The following MAP3K1 variants were observed in gnomAD, a reference collection of about 807,000 sequenced individuals.
MAP3K1 encodes the protein MAP/ERK kinase kinase 1.
MAP3K1 carries 36 observed loss-of-function variants against 144.2 expected under a neutral mutation model. The observed-to-expected ratio is 0.25, with a 90% confidence interval of 0.19 to 0.33. The LOEUF (loss-of-function observed/expected upper bound fraction) is 0.33, where lower values mean the gene tolerates loss of function less well. MAP3K1 is among the 10% of genes least tolerant of loss of function. MAP3K1 has a pLI of 1.00. For synonymous variants in MAP3K1, 718 were observed against 688.7 expected (o/e 1.04, Z -0.67); for missense variants, 1,650 against 1,881.9 (o/e 0.88, Z 2.28).
chr5:56,829,204 C>T (rs1475741247), intron 1 of MAP3K1, among the ~76,000 whole-genome samples: 1 of 150,398 alleles, frequency 6.6e-6, no homozygotes, highest in Non-Finnish European at 1.5e-5. Flanking sequence ...TTTTCTGAGA[C>T]AGGGTCTCAC....
rs1230624802 is a variant in MAP3K1, at chr5:56,872,014, A to G, written c.1406A>G (p.His469Arg). 6.2e-7 allele frequency: 1 copy of G among 1,614,058 alleles called. No individual in the cohort carries two copies. ...GACGGCTGCAGGAACAAGCTGCACCACCACTGCATGTCAATTTGTATGTGG... is the reference window on the plus strand; with the variant it reads ...GACGGCTGCAGGAACAAGCTGCACCGCCACTGCATGTCAATTTGTATGTGG... The part of the protein sequence containing the change: ...CEDGCRNKLH[H>R]HCMSIWAEEC... The change falls in exon 7 of 20, where the codon CAC (histidine) becomes CGC (arginine). Residue 469 changes from histidine to arginine, a missense_variant. Physicochemically the swap from His to Arg is conservative, Grantham distance 29 (BLOSUM62 0). Around this residue, in one of 6 missense-constraint regions of MAP3K1, gnomAD observed 125 missense variants for 179.9 expected, o/e 0.69. Coordinates refer to ENST00000399503, the MANE Select transcript of MAP3K1 (RefSeq NM_005921.2).
intron 5 of MAP3K1, 43 bp from the exon 6 acceptor site, chr5:56,865,786 T>G: frequency 6.2e-7 from 1 of 1,603,160 alleles, no homozygotes; most frequent in Non-Finnish European, 8.5e-7. Context: ...ATATGTATAA[T>G]TATGGCACAA....
chr5:56,880,413 C>G (rs1028272339), intron 11 of MAP3K1, among the ~76,000 whole-genome samples: 1 of 152,022 alleles, frequency 6.6e-6, no homozygotes, highest in Admixed American at 6.6e-5. Context: ...CTTGTTTTTT[C>G]TTTTAACAAA....
At chr5:56,889,283 C>G (rs566113486) in intron 19 of MAP3K1, among the ~76,000 whole-genome samples, 1 of 150,740 alleles carries the variant, frequency 6.6e-6, no homozygotes, top group Admixed American at 6.7e-5. Context: ...GTTCTCCTGC[C>G]TCAGCCTCCC....
At chr5:56,862,339 C>T (rs1747541798) in intron 3 of MAP3K1, among the ~76,000 whole-genome samples, 1 of 152,124 alleles carries the variant, frequency 6.6e-6, no homozygotes, top group African/African-American at 2.4e-5. Flanking sequence ...CCTTATTGTC[C>T]AAAGCTAGTT....
chr5:56,864,352 G>A (rs1193093178), intron 3 of MAP3K1, among the ~76,000 whole-genome samples: 1 of 149,012 alleles, frequency 6.7e-6, no homozygotes, highest in Non-Finnish European at 1.5e-5. Flanking sequence ...TGACTGTCTT[G>A]TATGATCTTC....
In MAP3K1 at chr5:56,893,777, A is replaced by G. The variant is rs79082646; in HGVS notation, c.*97A>G. ...TTGATATTCTACTGGCCATGATGCC[A>G]CTGAACAGCTATGAACGAGGCCAGT... On this transcript the variant is annotated 3_prime_UTR_variant, in exon 20 of 20. Coordinates refer to ENST00000399503, the MANE Select transcript of MAP3K1 (RefSeq NM_005921.2). The G allele has an allele frequency of 2.2e-4, 296 of 1,337,700 alleles. No individual in the cohort carries two copies. The African/African-American group carries it at 4.1e-3, about 19-fold the overall frequency. The allele number at this position is 1,337,700 out of a possible 1,614,324, so 82.9% of individuals were successfully genotyped here.
At chr5:56,851,436 T>G (rs2111846276) in intron 1 of MAP3K1, among the ~76,000 whole-genome samples, 1 of 152,234 alleles carries the variant, frequency 6.6e-6, no homozygotes, top group Middle Eastern at 3.4e-3. Flanking sequence ...GGAGAACTAG[T>G]CATTCATTAT....
At chr5:56,881,431 TTTAA>T (rs1278017336) in intron 13 of MAP3K1, 135 bp from the exon 14 acceptor site, 4 of 978,978 alleles carry the variant, frequency 4.1e-6, no homozygotes, top group Non-Finnish European at 6.2e-6. Flanking sequence ...GTCTGGGCTC[TTTAA>T]TTAAAAATTC....
intron 1 of MAP3K1, among the ~76,000 whole-genome samples, chr5:56,833,544 ATCTC>A (rs1746560852): frequency 6.6e-6 from 1 of 152,102 alleles, no homozygotes; most frequent in Admixed American, 6.5e-5. Context: ...ACACCTGAGT[ATCTC>A]TCTGCATGCT....
At chr5:56,878,083 A>C (rs115941775) in intron 10 of MAP3K1, among the ~76,000 whole-genome samples, 3 of 152,192 alleles carry the variant, frequency 2.0e-5, no homozygotes, top group Non-Finnish European at 4.4e-5. Flanking sequence ...CTGTCAGTTA[A>C]GGTAATGTCT....
intron 1 of MAP3K1, among the ~76,000 whole-genome samples, chr5:56,840,135 T>TTTTG (rs1028152830): frequency 8.2e-4 from 125 of 152,156 alleles, no homozygotes; most frequent in African/African-American, 2.6e-3. Context: ...TAAATAAGCG[T>TTTTG]TTTGTTTGTT....
At position 56,894,971 on chromosome 5, in the gene MAP3K1, T is replaced by C. The variant is rs1236115691; in HGVS notation, c.*1291T>C. 1 of 231,900 alleles carries C rather than the reference T, an allele frequency of 4.3e-6. No individual in the cohort carries two copies. The allele number at this position is 231,900 out of a possible 1,614,324, so 14.4% of individuals were successfully genotyped here. A position where few individuals can be genotyped will look rare whatever the true frequency, so the allele number is the denominator to read the frequency against. ...GAATCCTGAAGGAAAATGGTAGCTT[T>C]TTAATCTTTTTGTGTGTGTGTGAGT... On this transcript the variant is annotated 3_prime_UTR_variant, in exon 20 of 20. Coordinates refer to ENST00000399503, the MANE Select transcript of MAP3K1 (RefSeq NM_005921.2).
intron 19 of MAP3K1, among the ~76,000 whole-genome samples, chr5:56,890,419 G>A (rs1748513575): frequency 1.3e-5 from 2 of 152,132 alleles, no homozygotes; most frequent in Non-Finnish European, 1.5e-5. Flanking sequence ...TAAATACTTT[G>A]AGGTTTTTGG....
At chr5:56,874,941 T>A (rs961354231) in intron 9 of MAP3K1, 91 bp from the exon 10 acceptor site, 1 of 1,311,628 alleles carries the variant, frequency 7.6e-7, no homozygotes, top group Middle Eastern at 1.9e-4. Flanking sequence ...GTCCAGTTTT[T>A]ACGTAGTAAT....
Position 56,815,887 on chromosome 5 carries a change from T to A in MAP3K1, c.314T>A (p.Phe105Tyr). 2.2e-6 allele frequency: 3 copies of A among 1,352,918 alleles called. No individual in the cohort carries two copies. The highest frequency in any genetic ancestry group is 3.5e-5 in the South Asian group (2 of 57,254). 83.8% of individuals were successfully genotyped at this position (1,352,918 alleles called of 1,614,324 possible). A position where few individuals can be genotyped will look rare whatever the true frequency, so the allele number is the denominator to read the frequency against. ...PADAAGSGTG[F>Y]QPVAVPPPHG... The stretch of plus-strand genomic sequence containing the variant: ...GACGCAGCGGGGAGTGGGACCGGCT[T>A]CCAGCCTGTGGCGGTGCCGCCGCCC... Residue 105 changes from phenylalanine (F) to tyrosine (Y), a missense_variant, in exon 1 of 20, where the codon TTC becomes TAC. Around this residue, in one of 6 missense-constraint regions of MAP3K1, gnomAD observed 360 missense variants for 274.7 expected, o/e 1.31. Transcript: ENST00000399503.
At chr5:56,886,578 T>C (rs1235100057) in intron 17 of MAP3K1, among the ~76,000 whole-genome samples, 2 of 152,206 alleles carry the variant, frequency 1.3e-5, no homozygotes, top group African/African-American at 4.8e-5. Flanking sequence ...TCTACAGTTT[T>C]ATTGCTAGTT....
At chr5:56,872,784 C>G in intron 8 of MAP3K1, 41 bp from the exon 9 acceptor site, 1 of 1,611,108 alleles carries the variant, frequency 6.2e-7, no homozygotes, top group Non-Finnish European at 8.5e-7. Context: ...TGTGGTTTGT[C>G]TTAATTTTTT....
chr5:56,888,439 C>A, intron 19 of MAP3K1, 82 bp downstream of exon 19: 1 of 1,157,102 alleles, frequency 8.6e-7, no homozygotes, highest in East Asian at 2.4e-5. Flanking sequence ...GATGGGTTCT[C>A]CCTAACAATC....
Sources: gnomAD v4.1 joint callset for allele counts (sites outside exome capture counted in the v4.1 genomes callset) on GRCh38, gnomAD v4.1.1 for gene constraint, gnomAD v4.1.1 regional missense constraint, MANE v1.5 for transcripts, NCBI Gene and HGNC (gene_info 2026-07-23, HGNC 2026-07-21) for gene names.